The following SOX6 variants were observed in gnomAD, a reference collection of about 807,000 sequenced individuals.
The protein encoded by SOX6 is SRY-box transcription factor 6.
A neutral mutation model predicts 97.8 loss-of-function variants in SOX6; 11 were observed. The observed-to-expected ratio is 0.11, with a 90% CI of 0.07 to 0.19. The LOEUF is 0.19. Ranked by LOEUF, SOX6 falls within the 10% of genes least tolerant of loss-of-function variation. The pLI is 1.00. For missense variants in SOX6, 810 were observed against 1,039.5 expected, an observed-to-expected ratio of 0.78 and a Z score of 3.04; for synonymous variants, 360 against 371.4, an observed-to-expected ratio of 0.97 and a Z score of 0.35.
intron 6 of SOX6, among the ~76,000 whole-genome samples, chr11:16,160,012 T>C (rs1453511439): frequency 6.6e-6 from 1 of 152,152 alleles, no homozygotes; most frequent in Non-Finnish European, 1.5e-5. Context: ...TCAATGGTAT[T>C]GGCAAGACCT....
At chr11:16,557,858 A>G (rs551871307) in intron 4 of SOX6, among the ~76,000 whole-genome samples, 1 of 151,980 alleles carries the variant, frequency 6.6e-6, no homozygotes, top group East Asian at 1.9e-4. Flanking sequence ...GGATGATTAA[A>G]ACATTTGATA....
chr11:16,541,233 A>C (rs1310867905), intron 4 of SOX6, among the ~76,000 whole-genome samples: 1 of 152,218 alleles, frequency 6.6e-6, no homozygotes, highest in Non-Finnish European at 1.5e-5. Flanking sequence ...AGGATTCCCT[A>C]TTTAATAAAT....
intron 2 of SOX6, among the ~76,000 whole-genome samples, chr11:16,325,924 T>C (rs1856073718): frequency 6.6e-6 from 1 of 152,176 alleles, no homozygotes; most frequent in Non-Finnish European, 1.5e-5. Context: ...CACAGTTTGT[T>C]GATCCTGTCA....
chr11:15,991,141 A>G (rs891672539), intron 13 of SOX6, among the ~76,000 whole-genome samples: 2 of 152,218 alleles, frequency 1.3e-5, no homozygotes, highest in Non-Finnish European at 2.9e-5. Context: ...TTTTAGGCCT[A>G]CTAGACAGAA....
intron 3 of SOX6, among the ~76,000 whole-genome samples, chr11:16,644,115 A>G (rs35909580): frequency 0.13 from 19,411 of 152,136 alleles, 1,420 homozygotes; most frequent in Non-Finnish European, 0.16. Context: ...ATCATGGCTC[A>G]CTGCAGCCTC....
intron 4 of SOX6, among the ~76,000 whole-genome samples, chr11:16,592,500 T>C (rs1055161196): frequency 1.3e-5 from 2 of 151,932 alleles, no homozygotes; most frequent in Admixed American, 6.6e-5. Context: ...ACTAGTAATA[T>C]ACATATTACT....
Position 16,463,230 on chromosome 11 carries a change from C to A in SOX6, c.-5+13085G>T, listed in dbSNP as rs549217181. Among the ~76,000 whole-genome samples, 14 of 152,266 alleles carry A rather than the reference C, an allele frequency of 9.2e-5. No homozygotes were observed. In the South Asian group the frequency reaches 2.7e-3, roughly 29 times the overall value. Reference sequence around the variant, plus strand: ...TGCCTTTTTCTTCCTTTCATTCATTCCTTCCTTGTCTTTATATATTTTTTG... The same window carrying A: ...TGCCTTTTTCTTCCTTTCATTCATTACTTCCTTGTCTTTATATATTTTTTG... On this transcript the variant is annotated intron_variant, in intron 1 of 15. Transcript: ENST00000396356.
chr11:16,086,869 A>C (rs1385279336), intron 9 of SOX6, among the ~76,000 whole-genome samples: 4 of 152,228 alleles, frequency 2.6e-5, no homozygotes, highest in Non-Finnish European at 4.4e-5. Flanking sequence ...GATTCTGAGA[A>C]TGTCATACTG....
chr11:16,168,270 A>G (rs1337035515), intron 6 of SOX6, among the ~76,000 whole-genome samples: 1 of 152,206 alleles, frequency 6.6e-6, no homozygotes, highest in East Asian at 1.9e-4. Context: ...GGTATCAAAT[A>G]TGATTTGGAG....
chr11:16,604,539 C>A (rs992606298), intron 4 of SOX6, among the ~76,000 whole-genome samples: 1 of 152,176 alleles, frequency 6.6e-6, no homozygotes, highest in Non-Finnish European at 1.5e-5. Flanking sequence ...GCACCGGCGC[C>A]CGGGACGCGG....
At chr11:16,233,284 G>A (rs895251257) in intron 4 of SOX6, among the ~76,000 whole-genome samples, 8 of 152,056 alleles carry the variant, frequency 5.3e-5, no homozygotes, top group East Asian at 1.9e-4. Flanking sequence ...AAGTTGATGC[G>A]TGATCATGAA....
intron 1 of SOX6, among the ~76,000 whole-genome samples, chr11:16,370,788 A>G (rs1857477393): frequency 6.6e-6 from 1 of 151,976 alleles, no homozygotes; most frequent in Non-Finnish European, 1.5e-5. Context: ...TCATCCAACA[A>G]ATCCAATCTG....
intron 9 of SOX6, among the ~76,000 whole-genome samples, chr11:16,063,551 T>C (rs1848019362): frequency 1.3e-5 from 1 of 79,038 alleles, no homozygotes; most frequent in African/African-American, 4.8e-5. Flanking sequence ...TATATATATA[T>C]ATACCTGCTT....
At chr11:16,524,781 A>T (rs922841375) in intron 4 of SOX6, among the ~76,000 whole-genome samples, 1 of 152,232 alleles carries the variant, frequency 6.6e-6, no homozygotes, top group African/African-American at 2.4e-5. Context: ...ACTTCAGCAA[A>T]GTCTCAGGAT....
At chr11:16,198,479 A>C (rs1247451663) in intron 4 of SOX6, among the ~76,000 whole-genome samples, 1 of 152,112 alleles carries the variant, frequency 6.6e-6, no homozygotes, top group Non-Finnish European at 1.5e-5. Flanking sequence ...CAACTTTCAG[A>C]TCAATAAAAA....
chr11:16,131,770 T>C (rs531563360), intron 6 of SOX6, among the ~76,000 whole-genome samples: 1 of 151,962 alleles, frequency 6.6e-6, no homozygotes, highest in Non-Finnish European at 1.5e-5. Context: ...ACATACCCAA[T>C]AACATGAAAA....
rs189916529 is a variant in SOX6 at position 16,555,187 on chromosome 11, A to T, written n.609+56894T>A. On this transcript the variant is annotated intron_variant and non_coding_transcript_variant, in intron 4 of 5. Transcript: ENST00000524520. The stretch of plus-strand genomic sequence containing the variant: ...AGAATCTGTGGCCTCAATGACACTT[A>T]AAAAATTCAACAATATGGAATAAAA... Among the ~76,000 whole-genome samples the T allele has an allele frequency of 1.1e-4, 16 of 152,044 alleles. No homozygotes were observed. In the East Asian group the frequency reaches 3.1e-3, roughly 29 times the overall value.
chr11:16,684,445 C>G (rs1473292639), intron 3 of SOX6, among the ~76,000 whole-genome samples: 1 of 152,120 alleles, frequency 6.6e-6, no homozygotes, highest in Non-Finnish European at 1.5e-5. Flanking sequence ...ATGGATGAAG[C>G]TGGAAACCAT....
intron 2 of SOX6, among the ~76,000 whole-genome samples, chr11:16,718,398 A>C (rs1384577532): frequency 6.6e-6 from 1 of 152,170 alleles, no homozygotes; most frequent in Admixed American, 6.6e-5. Flanking sequence ...GTGCCCACTT[A>C]TGCTTTCATT....
Sources: gnomAD v4.1 joint callset for allele counts (sites outside exome capture counted in the v4.1 genomes callset) on GRCh38, gnomAD v4.1.1 for gene constraint, MANE v1.5 for transcripts, NCBI Gene and HGNC (gene_info 2026-07-23, HGNC 2026-07-21) for gene names.